Variants in KIAA1549 observed in about 807,000 individuals in gnomAD.
KIAA1549 encodes KIAA1549.
KIAA1549 carries 70 observed loss-of-function variants against 156.4 expected under a neutral mutation model. The ratio of observed to expected loss-of-function variants is 0.45; its 90% confidence interval spans 0.37 to 0.55. The LOEUF is 0.55. Ranked by LOEUF, KIAA1549 falls within the 20% of genes least tolerant of loss-of-function variation. The pLI is 0.00. For missense variants in KIAA1549, 2,428 were observed against 2,540.9 expected, an observed-to-expected ratio of 0.96 and a Z score of 0.96; for synonymous variants, 1,103 against 1,066.4, an observed-to-expected ratio of 1.03 and a Z score of -0.67.
At chr7:138,914,635 A>C (rs529377531) in intron 2 of KIAA1549, among the ~76,000 whole-genome samples, 2 of 152,330 alleles carry the variant, frequency 1.3e-5, no homozygotes, top group East Asian at 3.9e-4. Flanking sequence ...CAAAGGTAAG[A>C]AATGAGCCGA....
intron 2 of KIAA1549, 74 bp downstream of exon 2, chr7:138,916,674 C>A (rs1168174634): frequency 7.0e-6 from 11 of 1,566,974 alleles, no homozygotes; most frequent in African/African-American, 1.4e-5. Flanking sequence ...AAGCTCCAAG[C>A]CTCACAGGCA....
intron 1 of KIAA1549, among the ~76,000 whole-genome samples, chr7:138,959,845 C>T (rs1813785046): frequency 6.6e-6 from 1 of 152,222 alleles, no homozygotes; most frequent in South Asian, 2.1e-4. Flanking sequence ...AGACCCGACC[C>T]CTCTTTAAAC....
chr7:138,907,499 C>T (rs1309670280), intron 5 of KIAA1549, among the ~76,000 whole-genome samples: 1 of 152,178 alleles, frequency 6.6e-6, no homozygotes, highest in Admixed American at 6.5e-5. Context: ...GAATCCAAAA[C>T]ATACACAAGC....
At chr7:138,907,780 C>T (rs1007409160) in intron 5 of KIAA1549, among the ~76,000 whole-genome samples, 2 of 152,178 alleles carry the variant, frequency 1.3e-5, no homozygotes, top group African/African-American at 2.4e-5. Context: ...CCTAAGAGGA[C>T]TATGGTGGGT....
Position 138,918,354 on chromosome 7 carries a change from G to A in KIAA1549, c.1272C>T (p.Cys424=). The A allele has an allele frequency of 6.2e-7, 1 of 1,613,986 alleles. No individual in the cohort carries two copies. The highest frequency in any genetic ancestry group is 8.5e-7 in the Non-Finnish European group (1 of 1,179,890). ...GAACTTGCTGAGGTGAAGGCACAGT[G>A]CAGGCCGCACACCAAGTGTATGGTC... is the stretch of plus-strand genomic sequence containing the variant. ...SFRPYTWCAA[C]TVPSPQQVLA... is the part of the protein sequence containing the mutation. The change falls in exon 2 of 20, where the codon TGC becomes TGT. Residue 424 remains cysteine, a synonymous_variant. Transcript: ENST00000422774. The surrounding 1 kb of genome is among the most constrained non-coding windows in gnomAD (Gnocchi z 4.2).
intron 1 of KIAA1549, among the ~76,000 whole-genome samples, chr7:138,960,736 G>A (rs959928034): frequency 3.0e-4 from 31 of 103,628 alleles, no homozygotes; most frequent in African/African-American, 2.1e-3. Context: ...GCGTATCTGC[G>A]GCCAGAGAGT....
chr7:138,961,043 G>C (rs1007805611), intron 1 of KIAA1549, among the ~76,000 whole-genome samples: 3 of 152,196 alleles, frequency 2.0e-5, no homozygotes, highest in Non-Finnish European at 4.4e-5. Context: ...GCAGGCCATC[G>C]GACAGCACAG....
intron 1 of KIAA1549, among the ~76,000 whole-genome samples, chr7:138,934,406 TAA>T (rs763597989): frequency 1.7e-4 from 19 of 109,264 alleles, no homozygotes; most frequent in Admixed American, 3.8e-4. Context: ...TATTTGCTAC[TAA>T]AAAAAAAAAA....
At chr7:138,955,104 A>G (rs766814207) in intron 1 of KIAA1549, among the ~76,000 whole-genome samples, 1 of 152,204 alleles carries the variant, frequency 6.6e-6, no homozygotes, top group Non-Finnish European at 1.5e-5. Context: ...CAGAGACACC[A>G]CTAGATTTCG....
At chr7:138,867,837 G>T in intron 15 of KIAA1549, 138 bp downstream of exon 15, 1 of 909,236 alleles carries the variant, frequency 1.1e-6, no homozygotes, top group Non-Finnish European at 1.7e-6. Flanking sequence ...AGAGGGCCCT[G>T]GTGCATCAGC....
intron 9 of KIAA1549, among the ~76,000 whole-genome samples, chr7:138,895,920 G>A (rs969850644): frequency 6.6e-6 from 1 of 151,922 alleles, no homozygotes; most frequent in Non-Finnish European, 1.5e-5. Context: ...TTTACACGAA[G>A]CATATCTTAC....
chr7:138,858,582 T>C (rs1810461844), intron 16 of KIAA1549, among the ~76,000 whole-genome samples: 1 of 152,186 alleles, frequency 6.6e-6, no homozygotes, highest in Non-Finnish European at 1.5e-5. Flanking sequence ...CCAGAGCAGC[T>C]TTAAGTTGGG....
At chr7:138,969,444 T>C (rs541625731) in intron 1 of KIAA1549, among the ~76,000 whole-genome samples, 57 of 152,360 alleles carry the variant, frequency 3.7e-4, no homozygotes, top group African/African-American at 1.3e-3. Context: ...TCATCCATGT[T>C]GTAGCATGTG....
intron 9 of KIAA1549, among the ~76,000 whole-genome samples, chr7:138,897,892 CAAAAAAAAAAAAAAAAA>C (rs59242488): frequency 1.1e-4 from 3 of 27,478 alleles, no homozygotes; most frequent in Admixed American, 7.3e-4. Flanking sequence ...GACCCTTTCT[CAAAAAAAAAAAAAAAAA>C]AAAAAAAAAA....
Position 138,919,151 on chromosome 7 carries a change from T to A in KIAA1549, c.475A>T (p.Asn159Tyr), listed in dbSNP as rs761737159. 2 of 1,614,026 alleles carry A rather than the reference T, an allele frequency of 1.2e-6. No individual in the cohort carries two copies. The highest frequency in any genetic ancestry group is 1.7e-6 in the Non-Finnish European group (2 of 1,179,904). Residue 159 changes from asparagine (N) to tyrosine (Y), a missense_variant, in exon 2 of 20, where the codon AAC becomes TAC. Physicochemically the swap from Asn to Tyr is moderately radical, Grantham distance 143 (BLOSUM62 -2). Coordinates refer to ENST00000422774, the MANE Select transcript of KIAA1549 (RefSeq NM_001164665.2). ...GTCCAGTGAGTATCTGGCAGAAAGT[T>A]ATCCATCTCATCGTCATTGACGGCC... is the stretch of plus-strand genomic sequence containing the variant. ...EVAVNDDEMD[N>Y]FLPDTHWTTP...
intron 17 of KIAA1549, among the ~76,000 whole-genome samples, chr7:138,850,322 A>T (rs944738084): frequency 2.6e-5 from 4 of 152,180 alleles, no homozygotes; most frequent in Admixed American, 2.0e-4. Context: ...TCTCACCAAC[A>T]AGCATTCCCT....
intron 1 of KIAA1549, among the ~76,000 whole-genome samples, chr7:138,956,054 C>G (rs570177): frequency 0.43 from 65,010 of 152,074 alleles, 17,284 homozygotes; most frequent in African/African-American, 0.76. Flanking sequence ...CCACCAAGCT[C>G]AGCTAATTTT....
chr7:138,944,687 C>T (rs1396369187), intron 1 of KIAA1549, among the ~76,000 whole-genome samples: 2 of 152,062 alleles, frequency 1.3e-5, no homozygotes, highest in Non-Finnish European at 2.9e-5. Context: ...GTGATATATC[C>T]ATAAAATGCA....
intron 1 of KIAA1549, among the ~76,000 whole-genome samples, chr7:138,919,723 G>C (rs1008639995): frequency 6.6e-6 from 1 of 152,096 alleles, no homozygotes; most frequent in African/African-American, 2.4e-5. Flanking sequence ...AGAACCGTAG[G>C]ATACTGGAAA....
Sources: gnomAD v4.1 joint callset for allele counts (sites outside exome capture counted in the v4.1 genomes callset) on GRCh38, gnomAD v4.1.1 for gene constraint, Gnocchi (gnomAD v3.1) non-coding constraint, MANE v1.5 for transcripts, NCBI Gene and HGNC (gene_info 2026-07-23, HGNC 2026-07-21) for gene names.